PCDHA2: variants seen among roughly 807,000 people sequenced by gnomAD.
The protein encoded by PCDHA2 is protocadherin alpha 2.
A neutral mutation model predicts 66.0 loss-of-function variants in PCDHA2; 58 were observed. That is an observed-to-expected ratio of 0.88 (90% CI 0.71 to 1.09). The LOEUF (loss-of-function observed/expected upper bound fraction) is 1.09, where lower values mean the gene tolerates loss of function less well. PCDHA2 is among the 50% of genes least tolerant of loss of function. PCDHA2 has a pLI of 0.00. For synonymous variants in PCDHA2, 634 were observed against 554.0 expected, an observed-to-expected ratio of 1.14 and a Z score of -2.03; for missense variants, 1,267 against 1,242.3, an observed-to-expected ratio of 1.02 and a Z score of -0.30.
intron 1 of PCDHA2, among the ~76,000 whole-genome samples, chr5:140,907,411 G>A (rs1053744231): frequency 8.5e-5 from 13 of 152,192 alleles, no homozygotes; most frequent in Admixed American, 2.6e-4. Flanking sequence ...GGAATACCAC[G>A]ATGGTGGATA....
chr5:141,002,146 CT>C (rs2098061512), intron 3 of PCDHA2, among the ~76,000 whole-genome samples: 1 of 152,250 alleles, frequency 6.6e-6, no homozygotes, highest in Admixed American at 6.5e-5. Flanking sequence ...GCTGCACTGA[CT>C]TAGCAGAGTG....
At chr5:140,848,832 C>A in intron 1 of PCDHA2, 1 of 1,590,228 alleles carries the variant, frequency 6.3e-7, no homozygotes. Flanking sequence ...CGTAGACAGG[C>A]CGCTGCAGGT....
At position 140,796,863 on chromosome 5, in the gene PCDHA2, G is replaced by T. The variant is rs137893224; in HGVS notation, c.1899G>T (p.Thr633=). 91 of 1,614,074 alleles carry T rather than the reference G, an allele frequency of 5.6e-5. 1 individual carries two copies. In the African/African-American group the frequency reaches 1.1e-3, roughly 19 times the overall value. ...GGCTATACACGGGTGAGATCAGCAC[G>T]ACACGTGCCCTAGACGAGGCTGACT... ...RVGLYTGEIS[T]TRALDEADSP... is the part of the protein sequence containing the mutation. Residue 633 remains threonine, a synonymous_variant, in exon 1 of 4, where the codon ACG becomes ACT. Transcript: ENST00000526136.
chr5:140,929,613 C>G (rs1485250435), intron 1 of PCDHA2: 2 of 406,044 alleles, frequency 4.9e-6, no homozygotes, highest in Admixed American at 8.8e-5. Flanking sequence ...AATAAAATAC[C>G]AAAATATTTT....
rs374159724 is a variant in PCDHA2 at position 140,856,795 on chromosome 5, G to T, written c.2388+59443G>T. The T allele has an allele frequency of 2.1e-5, 34 of 1,595,942 alleles. 4 individuals are homozygous for T. Among genetic ancestry groups the T allele is most frequent in the Non-Finnish European group, 2.7e-5 (32 of 1,165,996 alleles). ...TTGACAGACCGGTTTATGAAGTTAA[G>T]ATGTATGAAAATCAAGTGAACCAAA... On this transcript the variant is annotated intron_variant, in intron 1 of 3. Transcript: ENST00000526136.
At position 140,809,114 on chromosome 5, in the gene PCDHA2, C is replaced by T. The variant is rs782409819; in HGVS notation, c.2388+11762C>T. 1.7e-5 allele frequency: 28 copies of T among 1,613,844 alleles called. 1 individual carries two copies. Among genetic ancestry groups the T allele is most frequent in the South Asian group, 7.7e-5 (7 of 91,090 alleles). On this transcript the variant is annotated intron_variant, in intron 1 of 3. Transcript: ENST00000526136. ...GCGTGCCCTGGACGAAACGGACGCT[C>T]CGCGCCACCGCCTACTGGTACTGGT...
chr5:140,844,793 A>G (rs1417087435), intron 1 of PCDHA2, among the ~76,000 whole-genome samples: 1 of 149,016 alleles, frequency 6.7e-6, no homozygotes, highest in Non-Finnish European at 1.5e-5. Context: ...ATCTTTCAAC[A>G]TTTTCTTTCT....
chr5:140,809,180 G>A (rs782248044), intron 1 of PCDHA2: 1 of 1,614,034 alleles, frequency 6.2e-7, no homozygotes, highest in South Asian at 1.1e-5. Flanking sequence ...CACGGCCACT[G>A]TGCTGGTGTC....
intron 1 of PCDHA2, among the ~76,000 whole-genome samples, chr5:140,884,904 A>G (rs2060400953): frequency 6.6e-6 from 1 of 152,226 alleles, no homozygotes; most frequent in Non-Finnish European, 1.5e-5. Flanking sequence ...TTTCTGTTGT[A>G]TTCTTAATAG....
intron 1 of PCDHA2, among the ~76,000 whole-genome samples, chr5:140,961,995 TG>T (rs2095649493): frequency 1.3e-5 from 2 of 152,062 alleles, no homozygotes; most frequent in African/African-American, 4.8e-5. Flanking sequence ...GCCATTGTCC[TG>T]CCTCAGCTTC....
intron 1 of PCDHA2, chr5:140,822,475 G>A (rs2150116650): frequency 1.2e-6 from 2 of 1,613,728 alleles, no homozygotes; most frequent in South Asian, 1.1e-5. Context: ...TGTATTGGAT[G>A]CTAATGATAA....
chr5:140,829,134 C>A (rs2150162893), intron 1 of PCDHA2: 1 of 1,613,168 alleles, frequency 6.2e-7, no homozygotes. Flanking sequence ...GATAACGTCC[C>A]TGAGATAGCA....
intron 1 of PCDHA2, chr5:140,866,765 C>G (rs1053050045): frequency 6.6e-6 from 1 of 152,122 alleles, no homozygotes; most frequent in Non-Finnish European, 1.5e-5. Context: ...GACATACAGG[C>G]AGATTGTATG....
At chr5:140,841,739 CTGTT>C (rs1562391277) in intron 1 of PCDHA2, 12 of 1,613,762 alleles carry the variant, frequency 7.4e-6, no homozygotes, top group Middle Eastern at 3.3e-4. Context: ...AGACCAAAAG[CTGTT>C]TGTTTCAGAA....
At chr5:140,966,125 C>T (rs1443798693) in intron 1 of PCDHA2, 1 of 159,140 alleles carries the variant, frequency 6.3e-6, no homozygotes, top group African/African-American at 2.4e-5. Context: ...TTAGCTAAGG[C>T]CCCTCAGTTT....
intron 1 of PCDHA2, chr5:140,841,677 T>A (rs2150320586): frequency 5.6e-6 from 9 of 1,614,014 alleles, no homozygotes; most frequent in Non-Finnish European, 7.6e-6. Flanking sequence ...GTTTTCCATG[T>A]GGACGTGGAG....
intron 1 of PCDHA2, chr5:140,809,033 G>A (rs1764340352): frequency 4.3e-6 from 7 of 1,613,716 alleles, no homozygotes; most frequent in African/African-American, 4.0e-5. Context: ...GCCGGGGACT[G>A]GTGGCGCGCG....
intron 1 of PCDHA2, among the ~76,000 whole-genome samples, chr5:140,976,370 G>A (rs1392898202): frequency 6.6e-6 from 1 of 152,018 alleles, no homozygotes; most frequent in Non-Finnish European, 1.5e-5. Context: ...GGCCAACATG[G>A]TGAAACCCCA....
At chr5:140,824,330 T>C in intron 1 of PCDHA2, 1 of 642,460 alleles carries the variant, frequency 1.6e-6, no homozygotes, top group Non-Finnish European at 2.7e-6. Context: ...TTCTGTGATA[T>C]TAAGTGTTTT....
Sources: gnomAD v4.1 joint callset for allele counts (sites outside exome capture counted in the v4.1 genomes callset) on GRCh38, gnomAD v4.1.1 for gene constraint, MANE v1.5 for transcripts, NCBI Gene and HGNC (gene_info 2026-07-23, HGNC 2026-07-21) for gene names.